CAMK2D: variants seen among roughly 807,000 people sequenced by gnomAD.
CAMK2D encodes calcium/calmodulin dependent protein kinase II delta, also known as calcium/calmodulin-dependent protein kinase type II subunit delta.
A neutral mutation model predicts 84.0 loss-of-function variants in CAMK2D; 37 were observed. That is an observed-to-expected ratio of 0.44 (90% CI 0.34 to 0.58). The LOEUF is 0.58. CAMK2D is among the 20% of genes least tolerant of loss of function. CAMK2D has a pLI of 0.02. For missense variants in CAMK2D, 448 were observed against 652.5 expected (o/e 0.69, Z 3.41); for synonymous variants, 202 against 212.5 (o/e 0.95, Z 0.43).
chr4:113,669,192 C>G (rs1268237387), intron 2 of CAMK2D, among the ~76,000 whole-genome samples: 1 of 152,278 alleles, frequency 6.6e-6, no homozygotes, highest in African/African-American at 2.4e-5. Flanking sequence ...AGTGAAGATA[C>G]AACCTATTGT....
At chr4:113,748,242 T>C (rs2149020313) in intron 2 of CAMK2D, among the ~76,000 whole-genome samples, 1 of 152,148 alleles carries the variant, frequency 6.6e-6, no homozygotes, top group South Asian at 2.1e-4. Flanking sequence ...TTTTGTCCTT[T>C]GTACCTTCAT....
chr4:113,473,736 C>T (rs2097573064), intron 16 of CAMK2D, among the ~76,000 whole-genome samples: 1 of 152,134 alleles, frequency 6.6e-6, no homozygotes, highest in Admixed American at 6.5e-5. Context: ...GAAGTAATAT[C>T]AGTCTTAGCC....
intron 5 of CAMK2D, among the ~76,000 whole-genome samples, chr4:113,551,246 G>A (rs17592440): frequency 0.071 from 10,803 of 152,200 alleles, 649 homozygotes; most frequent in East Asian, 0.21. Flanking sequence ...CACTCCAAAA[G>A]TGTTGCCTTG....
At chr4:113,718,475 A>G (rs2099520283) in intron 2 of CAMK2D, among the ~76,000 whole-genome samples, 1 of 152,174 alleles carries the variant, frequency 6.6e-6, no homozygotes, top group Admixed American at 6.5e-5. Flanking sequence ...AAATATCTCA[A>G]ACTATGATCT....
At chr4:113,496,267 T>C (rs1481993482) in intron 16 of CAMK2D, among the ~76,000 whole-genome samples, 1 of 152,186 alleles carries the variant, frequency 6.6e-6, no homozygotes, top group Non-Finnish European at 1.5e-5. Context: ...AGTAGCTGTT[T>C]TACTGGAAAT....
intron 4 of CAMK2D, among the ~76,000 whole-genome samples, chr4:113,568,333 T>C (rs1311972770): frequency 6.6e-6 from 1 of 152,236 alleles, no homozygotes; most frequent in Non-Finnish European, 1.5e-5. Flanking sequence ...TCAATATTTG[T>C]GCTTTTGGGT....
intron 3 of CAMK2D, among the ~76,000 whole-genome samples, chr4:113,654,890 C>T (rs2099191880): frequency 6.6e-6 from 1 of 151,490 alleles, no homozygotes; most frequent in Non-Finnish European, 1.5e-5. Flanking sequence ...ACATATATAT[C>T]ATATAGAATA....
intron 7 of CAMK2D, among the ~76,000 whole-genome samples, chr4:113,532,702 T>G (rs1410917001): frequency 1.3e-5 from 2 of 152,222 alleles, no homozygotes; most frequent in Non-Finnish European, 2.9e-5. Context: ...GTTCTTAGTG[T>G]GCACTTTCAG....
intron 4 of CAMK2D, among the ~76,000 whole-genome samples, chr4:113,590,852 C>G (rs17046276): frequency 0.042 from 6,446 of 152,186 alleles, 465 homozygotes; most frequent in African/African-American, 0.15. Context: ...CACAATATGA[C>G]TGTATATTAG....
intron 3 of CAMK2D, among the ~76,000 whole-genome samples, chr4:113,652,608 A>G (rs1273560042): frequency 6.6e-6 from 1 of 152,158 alleles, no homozygotes; most frequent in Admixed American, 6.5e-5. Flanking sequence ...CTCAAGCCCC[A>G]ACAAAACAAA....
intron 13 of CAMK2D, among the ~76,000 whole-genome samples, chr4:113,506,424 C>CAATCT (rs1187662059): frequency 2.0e-5 from 3 of 152,140 alleles, no homozygotes; most frequent in Non-Finnish European, 4.4e-5. Flanking sequence ...ATGTTGTCAT[C>CAATCT]AATCTATATT....
intron 3 of CAMK2D, among the ~76,000 whole-genome samples, chr4:113,653,880 T>C (rs1001216880): frequency 2.6e-5 from 4 of 151,890 alleles, no homozygotes; most frequent in African/African-American, 7.2e-5. Context: ...CAGAGAAGGA[T>C]AAAAAGGCAA....
At position 113,453,364 on chromosome 4, in the gene CAMK2D, GTGCGTT is replaced by G. The variant is rs2097271266; in HGVS notation, c.*1175_*1180del. On this transcript the variant is annotated 3_prime_UTR_variant, in exon 21 of 21. Transcript: ENST00000511664. ...CTTTCATTCCCCAAGGCGGAGGTGA[GTGCGTT>G]TGCATAAAACCCCCTCTGCTATCAA... is the stretch of plus-strand genomic sequence containing the variant. 6.6e-6 allele frequency: 1 copy of G among 152,160 alleles called. No homozygotes were observed. Among genetic ancestry groups the G allele is most frequent in the Non-Finnish European group, 1.5e-5 (1 of 68,034 alleles). The allele number at this position is 152,160 out of a possible 1,614,324, so 9.4% of individuals were successfully genotyped here.
chr4:113,602,985 GCTGAAGTCTCTGCCTGAAGGC>G (rs2098959750), intron 4 of CAMK2D, among the ~76,000 whole-genome samples: 1 of 152,034 alleles, frequency 6.6e-6, no homozygotes, highest in Non-Finnish European at 1.5e-5. Flanking sequence ...TCTGCTTAAG[GCTGAAGTCTCTGCCTGAAGGC>G]CTCTCCCTTG....
intron 6 of CAMK2D, among the ~76,000 whole-genome samples, chr4:113,547,075 A>G (rs2098582872): frequency 6.6e-6 from 1 of 152,208 alleles, no homozygotes; most frequent in Admixed American, 6.5e-5. Flanking sequence ...AGACACTATT[A>G]TCTTGGTCTT....
chr4:113,569,468 A>T (rs773423905), intron 4 of CAMK2D, among the ~76,000 whole-genome samples: 2 of 152,206 alleles, frequency 1.3e-5, no homozygotes, highest in African/African-American at 2.4e-5. Context: ...TTTTGTTCTA[A>T]TAATTCTGGT....
At chr4:113,473,519 T>A (rs184851180) in intron 16 of CAMK2D, among the ~76,000 whole-genome samples, 2 of 152,232 alleles carry the variant, frequency 1.3e-5, no homozygotes, top group African/African-American at 4.8e-5. Context: ...ATATAAGACA[T>A]GGCAATTACT....
chr4:113,727,986 C>T (rs898178146), intron 2 of CAMK2D, among the ~76,000 whole-genome samples: 3 of 152,036 alleles, frequency 2.0e-5, no homozygotes, highest in South Asian at 2.1e-4. Flanking sequence ...CCCACTAGAA[C>T]GGCTAAAACA....
chr4:113,578,179 AT>A (rs2098792715), intron 4 of CAMK2D, among the ~76,000 whole-genome samples: 2 of 152,136 alleles, frequency 1.3e-5, no homozygotes, highest in African/African-American at 4.8e-5. Flanking sequence ...ATTTCGGATC[AT>A]TTTCCCAGCA....
Sources: gnomAD v4.1 joint callset for allele counts (sites outside exome capture counted in the v4.1 genomes callset) on GRCh38, gnomAD v4.1.1 for gene constraint, MANE v1.5 for transcripts, NCBI Gene and HGNC (gene_info 2026-07-23, HGNC 2026-07-21) for gene names.